MYO16: variants seen among roughly 807,000 people sequenced by gnomAD.
The protein encoded by MYO16 is unconventional myosin-XVI.
In MYO16, 94 loss-of-function variants were observed where a neutral mutation model predicts 205.3. That is an observed-to-expected ratio of 0.46 (90% CI 0.39 to 0.54). MYO16 has a LOEUF of 0.54. Among genes scored for constraint, MYO16 ranks in the 20% least tolerant of loss-of-function variants. The pLI, the probability that MYO16 is intolerant of heterozygous loss-of-function variation, is 0.00. For missense variants in MYO16, 2,315 were observed against 2,387.5 expected (o/e 0.97, Z 0.63); for synonymous variants, 988 against 954.0 (o/e 1.04, Z -0.66).
intron 4 of MYO16, among the ~76,000 whole-genome samples, chr13:108,773,832 A>T (rs1886043320): frequency 6.6e-6 from 1 of 150,904 alleles, no homozygotes; most frequent in Admixed American, 6.7e-5. Flanking sequence ...TAAAAAAAAA[A>T]GTGGCCTTTG....
At chr13:108,964,955 A>G (rs1041969925) in intron 20 of MYO16, 53 bp downstream of exon 20, 1 of 1,573,966 alleles carries the variant, frequency 6.4e-7, no homozygotes, top group Non-Finnish European at 8.6e-7. Context: ...TAAATAACTT[A>G]AAGGCTCAAC....
intron 12 of MYO16, among the ~76,000 whole-genome samples, chr13:108,878,752 A>C (rs1164887986): frequency 6.6e-6 from 1 of 152,248 alleles, no homozygotes; most frequent in Non-Finnish European, 1.5e-5. Context: ...CCAAAGCCCA[A>C]AGGTGCTGGC....
intron 6 of MYO16, among the ~76,000 whole-genome samples, chr13:108,804,094 C>A (rs1887043695): frequency 6.6e-6 from 1 of 152,136 alleles, no homozygotes; most frequent in South Asian, 2.1e-4. Flanking sequence ...ATCTCAGTAA[C>A]CATGCTTCTT....
At chr13:108,891,256 A>G (rs1256449607) in intron 14 of MYO16, among the ~76,000 whole-genome samples, 1 of 152,214 alleles carries the variant, frequency 6.6e-6, no homozygotes, top group Admixed American at 6.5e-5. Flanking sequence ...TTATAGAACT[A>G]ACATTGACAT....
chr13:108,981,738 A>C (rs1307473408), intron 20 of MYO16, among the ~76,000 whole-genome samples: 1 of 152,216 alleles, frequency 6.6e-6, no homozygotes, highest in African/African-American at 2.4e-5. Flanking sequence ...ATAACTACTT[A>C]CTGTTTTAAG....
chr13:109,202,407 A>C (rs111994803), intron 34 of MYO16, among the ~76,000 whole-genome samples: 6 of 152,048 alleles, frequency 3.9e-5, no homozygotes, highest in Non-Finnish European at 8.8e-5. Context: ...CTTGTGGGAG[A>C]AAGGTGGTAT....
upstream of MYO16, among the ~76,000 whole-genome samples, chr13:108,626,634 T>G (rs1314314689): frequency 6.6e-6 from 1 of 151,882 alleles, no homozygotes; most frequent in East Asian, 1.9e-4. Context: ...TGAAATCTCA[T>G]GTCTACTAAA....
At chr13:109,180,211 C>T (rs752070275) in intron 34 of MYO16, among the ~76,000 whole-genome samples, 127 of 152,150 alleles carry the variant, frequency 8.3e-4, no homozygotes, top group Non-Finnish European at 1.6e-3. Context: ...CTCTTCCTAA[C>T]AATTTCACCA....
At chr13:108,783,686 G>A (rs983620592) in intron 4 of MYO16, among the ~76,000 whole-genome samples, 3 of 152,182 alleles carry the variant, frequency 2.0e-5, no homozygotes, top group African/African-American at 7.2e-5. Context: ...AGAGGTCATT[G>A]AATCATGGGG....
intron 10 of MYO16, among the ~76,000 whole-genome samples, chr13:108,846,019 A>G (rs1441464180): frequency 6.6e-6 from 1 of 152,046 alleles, no homozygotes; most frequent in Non-Finnish European, 1.5e-5. Flanking sequence ...AAATATTCTT[A>G]ACTTTCTTAA....
chr13:108,537,116 A>C, the MYO16 span, among the ~76,000 whole-genome samples: 2 of 152,112 alleles, frequency 1.3e-5, no homozygotes, highest in African/African-American at 2.4e-5. Context: ...AATGTACCTA[A>C]TAATGAACAG....
At chr13:109,069,015 C>A (rs1345109493) in intron 27 of MYO16, among the ~76,000 whole-genome samples, 2 of 152,188 alleles carry the variant, frequency 1.3e-5, no homozygotes, top group Admixed American at 6.5e-5. Context: ...CCATCCCAAA[C>A]CTTGCCCTGA....
intron 23 of MYO16, among the ~76,000 whole-genome samples, chr13:109,043,299 A>G (rs1298277719): frequency 6.6e-6 from 1 of 152,188 alleles, no homozygotes; most frequent in East Asian, 1.9e-4. Context: ...CAGTTTTACC[A>G]GGGAAGTTTG....
chr13:109,166,115 A>T (rs1317410899), intron 33 of MYO16, among the ~76,000 whole-genome samples: 1 of 152,224 alleles, frequency 6.6e-6, no homozygotes, highest in African/African-American at 2.4e-5. Flanking sequence ...ATAAAAAATT[A>T]AAAGCAGAGA....
intron 16 of MYO16, among the ~76,000 whole-genome samples, chr13:108,954,601 G>T (rs755056260): frequency 5.3e-5 from 8 of 152,050 alleles, no homozygotes; most frequent in Non-Finnish European, 1.0e-4. Context: ...AATTAGCCAG[G>T]CGTGGCGACA....
chr13:109,043,079 T>C (rs1315094217), intron 23 of MYO16, among the ~76,000 whole-genome samples: 1 of 152,206 alleles, frequency 6.6e-6, no homozygotes, highest in African/African-American at 2.4e-5. Context: ...CCAAAGAACA[T>C]TATCTTGTGC....
chr13:108,776,411 C>A (rs1386889528), intron 4 of MYO16, among the ~76,000 whole-genome samples: 1 of 152,142 alleles, frequency 6.6e-6, no homozygotes, highest in Non-Finnish European at 1.5e-5. Context: ...AGCTCTAGAC[C>A]TTTTGACCTC....
intron 2 of MYO16, among the ~76,000 whole-genome samples, chr13:108,711,290 A>T (rs1883712199): frequency 6.6e-6 from 1 of 152,236 alleles, no homozygotes; most frequent in South Asian, 2.1e-4. Flanking sequence ...CACCTTTGAG[A>T]ATGTTTTTGT....
chr13:108,956,047 G>C (rs1883336303), intron 16 of MYO16, among the ~76,000 whole-genome samples: 1 of 152,070 alleles, frequency 6.6e-6, no homozygotes, highest in Admixed American at 6.6e-5. Flanking sequence ...CTATTCTCTA[G>C]TGTTTTTCTG....
Sources: allele counts gnomAD v4.1 joint callset (sites outside exome capture counted in the v4.1 genomes callset), GRCh38; gene constraint gnomAD v4.1.1; transcripts MANE v1.5; gene names NCBI Gene and HGNC (gene_info 2026-07-23, HGNC 2026-07-21).